The following MAGI3 variants were observed in gnomAD, a reference collection of about 807,000 sequenced individuals.
MAGI3 encodes membrane-associated guanylate kinase, WW and PDZ domain-containing protein 3.
In MAGI3, 43 loss-of-function variants were observed where a neutral mutation model predicts 121.8. The observed-to-expected ratio is 0.35, with a 90% CI of 0.28 to 0.46. The LOEUF (loss-of-function observed/expected upper bound fraction) is 0.46. Among genes scored for constraint, MAGI3 ranks in the 20% least tolerant of loss-of-function variants. The pLI is 1.00. For missense variants in MAGI3, 1,547 were observed against 1,797.3 expected, an observed-to-expected ratio of 0.86 and a Z score of 2.52; for synonymous variants, 553 against 639.3, an observed-to-expected ratio of 0.86 and a Z score of 2.04.
At chr1:113,669,083 A>G (rs1436612884) in intron 16 of MAGI3, among the ~76,000 whole-genome samples, 5 of 152,204 alleles carry the variant, frequency 3.3e-5, no homozygotes, top group Admixed American at 2.6e-4. Flanking sequence ...ATGCAAAGGT[A>G]CAAGTATCTC....
chr1:113,409,683 G>C (rs1208881214), intron 1 of MAGI3, among the ~76,000 whole-genome samples: 2 of 151,896 alleles, frequency 1.3e-5, no homozygotes, highest in East Asian at 3.9e-4. Flanking sequence ...TTACTTCTTG[G>C]TATTACTTTT....
At chr1:113,551,535 A>G (rs533425203) in intron 2 of MAGI3, among the ~76,000 whole-genome samples, 1 of 152,224 alleles carries the variant, frequency 6.6e-6, no homozygotes, top group South Asian at 2.1e-4. Flanking sequence ...TCCTCCTACA[A>G]ATCTACCTTG....
At chr1:113,531,574 T>G (rs1196408771) in intron 1 of MAGI3, among the ~76,000 whole-genome samples, 1 of 152,194 alleles carries the variant, frequency 6.6e-6, no homozygotes, top group African/African-American at 2.4e-5. Context: ...TAATTAGCAT[T>G]CATCTTATGA....
chr1:113,518,675 G>T (rs1425126021), intron 1 of MAGI3, among the ~76,000 whole-genome samples: 1 of 152,046 alleles, frequency 6.6e-6, no homozygotes, highest in Non-Finnish European at 1.5e-5. Flanking sequence ...TAACAGAATT[G>T]TTCCAAAGTG....
At chr1:113,637,065 T>G (rs1186106939) in intron 9 of MAGI3, among the ~76,000 whole-genome samples, 1 of 152,236 alleles carries the variant, frequency 6.6e-6, no homozygotes, top group African/African-American at 2.4e-5. Flanking sequence ...GTCTTTTTTT[T>G]GTTTTCCATT....
intron 1 of MAGI3, among the ~76,000 whole-genome samples, chr1:113,448,876 T>C (rs1419447010): frequency 2.0e-5 from 3 of 152,108 alleles, no homozygotes; most frequent in Admixed American, 1.3e-4. Context: ...TTCCAGCACT[T>C]TGAGAGGCGA....
At chr1:113,565,630 G>A (rs1343128) in intron 2 of MAGI3, among the ~76,000 whole-genome samples, 34,233 of 152,186 alleles carry the variant, frequency 0.22, 4,910 homozygotes, top group East Asian at 0.65. Context: ...ATTACACAGA[G>A]TTGTGTGTTG....
chr1:113,521,432 G>T (rs1315596903), intron 1 of MAGI3, among the ~76,000 whole-genome samples: 1 of 144,362 alleles, frequency 6.9e-6, no homozygotes, highest in Non-Finnish European at 1.5e-5. Context: ...TTTTAAGATG[G>T]GGACTTGCTC....
At chr1:113,474,065 C>T (rs1655681337) in intron 1 of MAGI3, among the ~76,000 whole-genome samples, 1 of 152,176 alleles carries the variant, frequency 6.6e-6, no homozygotes, top group Admixed American at 6.5e-5. Flanking sequence ...TAGATGTCTT[C>T]TTTTGAGACG....
chr1:113,414,773 AAAAT>A (rs1007019593), intron 1 of MAGI3, among the ~76,000 whole-genome samples: 1 of 152,050 alleles, frequency 6.6e-6, no homozygotes, highest in African/African-American at 2.4e-5. Flanking sequence ...ATAAAAATAA[AAAAT>A]AAAATAGTTA....
chr1:113,391,545 G>T lies in MAGI3; in HGVS notation c.316+196G>T, dbSNP rs1389080601. On this transcript the variant is annotated intron_variant, in intron 1 of 20. Coordinates refer to ENST00000307546, the MANE Select transcript of MAGI3 (RefSeq NM_001142782.2). The surrounding 1 kb of genome is among the most constrained non-coding windows in gnomAD (Gnocchi z 4.4). The stretch of plus-strand genomic sequence containing the variant: ...TTGCCGAAGGGAAAACTGAGCTCTG[G>T]CTTGGCGCGGTTGCTCTGCTAGCTG... Among the ~76,000 whole-genome samples the T allele has an allele frequency of 6.6e-6, 1 of 152,144 alleles. No individual in the cohort carries two copies. The highest frequency in any genetic ancestry group is 1.5e-5 in the Non-Finnish European group (1 of 68,030).
chr1:113,503,924 CAG>C (rs1034067163), intron 1 of MAGI3, among the ~76,000 whole-genome samples: 2 of 151,930 alleles, frequency 1.3e-5, no homozygotes, highest in South Asian at 2.1e-4. Context: ...GATATTGAAG[CAG>C]AGAGTCTCTA....
At chr1:113,423,267 G>C (rs1184763539) in intron 1 of MAGI3, among the ~76,000 whole-genome samples, 1 of 147,652 alleles carries the variant, frequency 6.8e-6, no homozygotes, top group Non-Finnish European at 1.5e-5. Context: ...TTTGGGGGGG[G>C]GGTTGTTTTT....
At chr1:113,651,663 G>A (rs759094128) in intron 14 of MAGI3, among the ~76,000 whole-genome samples, 5 of 152,098 alleles carry the variant, frequency 3.3e-5, no homozygotes, top group Non-Finnish European at 5.9e-5. Context: ...GCTAATTTTT[G>A]TATTTTTAGT....
At chr1:113,428,104 CT>C (rs1653106636) in intron 1 of MAGI3, among the ~76,000 whole-genome samples, 1 of 152,154 alleles carries the variant, frequency 6.6e-6, no homozygotes, top group African/African-American at 2.4e-5. Context: ...TGCCTTTTCA[CT>C]CTCTTAATGG....
chr1:113,475,835 C>T (rs1025702940), intron 1 of MAGI3, among the ~76,000 whole-genome samples: 7 of 152,240 alleles, frequency 4.6e-5, no homozygotes, highest in East Asian at 1.9e-4. Flanking sequence ...TGGTAGAATT[C>T]GGCTGTGAAT....
intron 19 of MAGI3, among the ~76,000 whole-genome samples, chr1:113,674,116 G>C (rs1647723168): frequency 2.0e-5 from 3 of 152,214 alleles, no homozygotes; most frequent in Admixed American, 2.0e-4. Context: ...TTGCTGCTGG[G>C]CGCGGTGGCT....
chr1:113,516,087 C>T (rs1657884888), intron 1 of MAGI3, among the ~76,000 whole-genome samples: 1 of 151,946 alleles, frequency 6.6e-6, no homozygotes, highest in African/African-American at 2.4e-5. Flanking sequence ...CCTTCTATCT[C>T]CAACAGAAGA....
chr1:113,405,474 C>CAAAAAAAA (rs5777158), intron 1 of MAGI3, among the ~76,000 whole-genome samples: 687 of 54,340 alleles, frequency 0.013, 72 homozygotes, highest in East Asian at 0.099. Flanking sequence ...GAAACTGTCT[C>CAAAAAAAA]AAAAAAAAAA....
Sources: allele counts gnomAD v4.1 joint callset (sites outside exome capture counted in the v4.1 genomes callset), GRCh38; gene constraint gnomAD v4.1.1; non-coding constraint Gnocchi (gnomAD v3.1); transcripts MANE v1.5; gene names NCBI Gene and HGNC (gene_info 2026-07-23, HGNC 2026-07-21).